Variants in GALNT18 observed in about 807,000 individuals in gnomAD.
GALNT18 encodes the protein GalNAc-transferase 18.
GALNT18 carries 44 observed loss-of-function variants against 69.5 expected under a neutral mutation model. That is an observed-to-expected ratio of 0.63 (90% CI 0.50 to 0.81). The LOEUF (loss-of-function observed/expected upper bound fraction) is 0.81, where lower values mean the gene tolerates loss of function less well. Ranked by LOEUF, GALNT18 falls within the 40% of genes least tolerant of loss-of-function variation. GALNT18 has a pLI of 0.00. For synonymous variants in GALNT18, 364 were observed against 318.2 expected, an observed-to-expected ratio of 1.14 and a Z score of -1.53; for missense variants, 715 against 810.0, an observed-to-expected ratio of 0.88 and a Z score of 1.42.
At chr11:11,571,293 C>G (rs1858787846) in intron 1 of GALNT18, among the ~76,000 whole-genome samples, 1 of 152,196 alleles carries the variant, frequency 6.6e-6, no homozygotes, top group Admixed American at 6.5e-5. Context: ...GGAAAAGGTC[C>G]CAAGGGCATG....
intron 3 of GALNT18, among the ~76,000 whole-genome samples, chr11:11,420,108 A>C: frequency 6.6e-6 from 1 of 150,958 alleles, no homozygotes; most frequent in African/African-American, 2.4e-5. Context: ...GTCGATTAGG[A>C]CTCTCATTTT....
rs780864425 is a variant in GALNT18, at chr11:11,271,237, A to G, written c.1731T>C (p.Asn577=). The change falls in exon 11 of 11, where the codon AAT becomes AAC. Residue 577 remains asparagine (N), a synonymous_variant. Transcript: ENST00000227756. ...GCTGGAAGCCGAACTCCAGGTCGCT[A>G]TTCTCCTGCAGCTCCAGACAGCGCT... ...KSKRCLELQE[N]SDLEFGFQLV... 1.1e-5 allele frequency: 18 copies of G among 1,614,094 alleles called. No individual in the cohort carries two copies. Among genetic ancestry groups the G allele is most frequent in the Non-Finnish European group, 1.5e-5 (18 of 1,179,996 alleles).
chr11:11,581,743 T>G (rs2133909697), intron 1 of GALNT18, among the ~76,000 whole-genome samples: 1 of 152,258 alleles, frequency 6.6e-6, no homozygotes, highest in Non-Finnish European at 1.5e-5. Context: ...CTAAAAAGAA[T>G]GCATGTGGCT....
Position 11,340,955 on chromosome 11 carries a change from G to T in GALNT18, c.1142C>A (p.Ala381Asp). The change falls in exon 7 of 11, where the codon GCC (alanine) becomes GAC (aspartate). Residue 381 changes from alanine (A) to aspartate (D), a missense_variant. Physicochemically the swap from Ala to Asp is moderately radical, Grantham distance 126. Transcript: ENST00000227756. This position sits in a 1 kb window ranked among gnomAD's most constrained non-coding sequence, Gnocchi z 4.2. ...GGGCTTGTGGGCTCGCTCAATGTGG[G>T]CAATCCGTGAGCAGGGCAGGACCTC... Reference protein sequence around the residue: ...SVEVLPCSRIAHIERAHKPYT... With the variant: ...SVEVLPCSRIDHIERAHKPYT... 6.2e-7 allele frequency: 1 copy of T among 1,612,384 alleles called. No homozygotes were observed. The highest frequency in any genetic ancestry group is 8.5e-7 in the Non-Finnish European group (1 of 1,179,166).
chr11:11,287,419 ACTACC>A (rs1849214204), intron 10 of GALNT18, among the ~76,000 whole-genome samples: 3 of 152,180 alleles, frequency 2.0e-5, no homozygotes, highest in African/African-American at 7.2e-5. Context: ...TGGCCTTGTT[ACTACC>A]GAGAGTCAGT....
At chr11:11,283,991 G>A (rs1849140201) in intron 10 of GALNT18, among the ~76,000 whole-genome samples, 1 of 151,782 alleles carries the variant, frequency 6.6e-6, no homozygotes, top group Non-Finnish European at 1.5e-5. Context: ...GAACTGGAAA[G>A]GCATGAGCAG....
chr11:11,282,768 T>A (rs958237620), intron 10 of GALNT18, among the ~76,000 whole-genome samples: 25 of 152,260 alleles, frequency 1.6e-4, no homozygotes, highest in Admixed American at 5.9e-4. Context: ...AACACATATT[T>A]AATGAGCACC....
At position 11,404,670 on chromosome 11, in the gene GALNT18, G is replaced by C. The variant is rs1287713218; in HGVS notation, c.596-25406C>G. On this transcript the variant is annotated intron_variant, in intron 3 of 10. Coordinates refer to ENST00000227756, the MANE Select transcript of GALNT18 (RefSeq NM_198516.3). The surrounding 1 kb of genome is among the most constrained non-coding windows in gnomAD (Gnocchi z 4.5). ...CCCGCAGCCATATTCTCATTCAAAT[G>C]GGACTCTCTCTGTCTCAACTCTCAT... 6.6e-6 allele frequency among the ~76,000 whole-genome samples: 1 copy of C among 152,146 alleles called. No individual in the cohort carries two copies. Among genetic ancestry groups the C allele is most frequent in the Non-Finnish European group, 1.5e-5 (1 of 68,028 alleles).
chr11:11,464,390 A>G (rs1856112992), intron 1 of GALNT18, among the ~76,000 whole-genome samples: 1 of 152,116 alleles, frequency 6.6e-6, no homozygotes, highest in Non-Finnish European at 1.5e-5. Flanking sequence ...CCTCCACACC[A>G]TGCCTCAAAG....
At chr11:11,316,419 C>A (rs1165856830) in intron 9 of GALNT18, among the ~76,000 whole-genome samples, 1 of 152,148 alleles carries the variant, frequency 6.6e-6, no homozygotes, top group Non-Finnish European at 1.5e-5. Flanking sequence ...CAAGCACGAT[C>A]CATGAGAGGT....
chr11:11,299,336 G>C (rs998300177), intron 9 of GALNT18, among the ~76,000 whole-genome samples: 1 of 152,054 alleles, frequency 6.6e-6, no homozygotes, highest in Non-Finnish European at 1.5e-5. Flanking sequence ...AGTAGGGACA[G>C]GGTTTCAACA....
intron 3 of GALNT18, among the ~76,000 whole-genome samples, chr11:11,395,281 G>A (rs1854301263): frequency 6.6e-6 from 1 of 152,238 alleles, no homozygotes; most frequent in African/African-American, 2.4e-5. Context: ...TGGTAATGAA[G>A]TGATCGTGTC....
chr11:11,529,079 G>T (rs1369173902), intron 1 of GALNT18, among the ~76,000 whole-genome samples: 1 of 152,136 alleles, frequency 6.6e-6, no homozygotes, highest in East Asian at 1.9e-4. Context: ...GTATTCCAGG[G>T]GTTTACCAAA....
Position 11,586,801 on chromosome 11 carries a change from C to G in GALNT18, c.235+34558G>C, listed in dbSNP as rs1379249579. ...CCAGCCTGGCCAACATGGTTAAACA[C>G]CATCTCTACTAAAAACACACACACA... On this transcript the variant is annotated intron_variant, in intron 1 of 10. Transcript: ENST00000227756. This position sits in a 1 kb window ranked among gnomAD's most constrained non-coding sequence, Gnocchi z 4.1. 1.5e-5 allele frequency among the ~76,000 whole-genome samples: 2 copies of G among 135,902 alleles called. No individual in the cohort carries two copies. The highest frequency in any genetic ancestry group is 2.7e-5 in the African/African-American group (1 of 37,626). 89.2% of individuals were successfully genotyped at this position (135,902 alleles called of 152,430 possible).
intron 1 of GALNT18, among the ~76,000 whole-genome samples, chr11:11,593,071 G>A (rs4526767): frequency 0.26 from 39,610 of 151,834 alleles, 6,194 homozygotes; most frequent in East Asian, 0.66. Flanking sequence ...ACCCCCCAAC[G>A]CTCGGCTAAT....
intron 3 of GALNT18, among the ~76,000 whole-genome samples, chr11:11,422,956 G>A (rs1420077062): frequency 6.6e-6 from 1 of 152,224 alleles, no homozygotes; most frequent in Admixed American, 6.5e-5. Context: ...GGTGGTGAAA[G>A]AGGCTCAACC....
chr11:11,509,123 C>T (rs1177112300), intron 1 of GALNT18, among the ~76,000 whole-genome samples: 1 of 152,032 alleles, frequency 6.6e-6, no homozygotes, highest in African/African-American at 2.4e-5. Flanking sequence ...TCTTGAATGC[C>T]CTGATTCTCA....
chr11:11,599,663 A>AT (rs969808120), intron 1 of GALNT18, among the ~76,000 whole-genome samples: 16 of 149,026 alleles, frequency 1.1e-4, no homozygotes, highest in Admixed American at 7.3e-4. Flanking sequence ...TATCTCATAT[A>AT]TTTTTTGTTC....
chr11:11,450,140 G>A (rs528026187), intron 1 of GALNT18, among the ~76,000 whole-genome samples: 59 of 152,342 alleles, frequency 3.9e-4, no homozygotes, highest in African/African-American at 1.3e-3. Context: ...GTAAGAGATG[G>A]AGCCAGGAGC....
Sources: gnomAD v4.1 joint callset for allele counts (sites outside exome capture counted in the v4.1 genomes callset) on GRCh38, gnomAD v4.1.1 for gene constraint, Gnocchi (gnomAD v3.1) non-coding constraint, MANE v1.5 for transcripts, NCBI Gene and HGNC (gene_info 2026-07-23, HGNC 2026-07-21) for gene names.